ALK: variants seen among roughly 807,000 people sequenced by gnomAD.
ALK encodes ALK tyrosine kinase receptor.
In ALK, 74 loss-of-function variants were observed where a neutral mutation model predicts 163.1. The observed-to-expected ratio is 0.45, with a 90% CI of 0.38 to 0.55. ALK has a LOEUF of 0.55. Ranked by LOEUF, ALK falls within the 20% of genes least tolerant of loss-of-function variation. The pLI, the probability that ALK is intolerant of heterozygous loss-of-function variation, is 0.00. For missense variants in ALK, 2,063 were observed against 2,105.3 expected (o/e 0.98, Z 0.39); for synonymous variants, 960 against 843.2 (o/e 1.14, Z -2.40).
At chr2:29,424,081 A>G (rs1670080562) in intron 4 of ALK, among the ~76,000 whole-genome samples, 1 of 152,222 alleles carries the variant, frequency 6.6e-6, no homozygotes, top group Non-Finnish European at 1.5e-5. Flanking sequence ...TACATGGGTA[A>G]TGAAAAGGTA....
In ALK at chr2:29,321,454, C is replaced by T. The variant is rs78911101; in HGVS notation, c.1415-572G>A. On this transcript the variant is annotated intron_variant, in intron 6 of 28. Coordinates refer to ENST00000389048, the MANE Select transcript of ALK (RefSeq NM_004304.5). Reference sequence around the variant, plus strand: ...TTGCTCAAAACTTTCCATTTGCTTTCCTTTCTCTCCCAACCCGCTTGCAGT... The same window carrying T: ...TTGCTCAAAACTTTCCATTTGCTTTTCTTTCTCTCCCAACCCGCTTGCAGT... Among the ~76,000 whole-genome samples the T allele has an allele frequency of 1.2e-3, 184 of 152,320 alleles. 3 individuals are homozygous for T. In the East Asian group the frequency reaches 0.013, roughly 11 times the overall value.
At chr2:29,209,200 CAGAGCATGGCCAGATTACAGTT>C (rs1309633150) in intron 25 of ALK, among the ~76,000 whole-genome samples, 9 of 152,146 alleles carry the variant, frequency 5.9e-5, no homozygotes, top group African/African-American at 2.2e-4. Flanking sequence ...TCCCATGTCT[CAGAGCATGGCCAGATTACAGTT>C]GGAACCGATG....
chr2:29,349,402 T>C (rs1322709061), intron 5 of ALK, among the ~76,000 whole-genome samples: 1 of 152,190 alleles, frequency 6.6e-6, no homozygotes, highest in Non-Finnish European at 1.5e-5. Flanking sequence ...TGCTGCCTCA[T>C]AGGCTGAGAT....
At chr2:29,243,906 GT>G (rs1429022642) in intron 12 of ALK, among the ~76,000 whole-genome samples, 1 of 152,110 alleles carries the variant, frequency 6.6e-6, no homozygotes, top group Non-Finnish European at 1.5e-5. Flanking sequence ...GTAATTTTTT[GT>G]TTTTTCCTCA....
At position 29,307,289 on chromosome 2, in the gene ALK, G is replaced by A. The variant is rs972873835; in HGVS notation, c.1648-10232C>T. On this transcript the variant is annotated intron_variant, in intron 8 of 28. Transcript: ENST00000389048. ...CCCTAAATGTAGGAAATGTTCTGAC[G>A]GGGCAGGTGCTATCTTTCTTCAAAT... 4.6e-5 allele frequency among the ~76,000 whole-genome samples: 7 copies of A among 152,280 alleles called. No homozygotes were observed. In the East Asian group the frequency reaches 7.7e-4, roughly 17 times the overall value.
intron 3 of ALK, among the ~76,000 whole-genome samples, chr2:29,542,987 GT>G (rs1417198243): frequency 6.6e-6 from 1 of 151,502 alleles, no homozygotes; most frequent in Admixed American, 6.6e-5. Flanking sequence ...ATTTATCTTT[GT>G]TTTCTCTGGG....
Position 29,322,704 on chromosome 2 carries a change from G to A in ALK, c.1415-1822C>T, listed in dbSNP as rs180943383. Among the ~76,000 whole-genome samples the A allele has an allele frequency of 3.3e-5, 5 of 152,294 alleles. No individual in the cohort carries two copies. The East Asian group carries it at 9.6e-4, about 29-fold the overall frequency. The stretch of plus-strand genomic sequence containing the variant: ...CAGAAATTAGCCGGGTCTGGTGGTG[G>A]GTGCCTGTAATCTCAGCTACTCGGG... On this transcript the variant is annotated intron_variant, in intron 6 of 28. Transcript: ENST00000389048.
chr2:29,213,981 C>T lies in ALK; in HGVS notation c.3743+3G>A, dbSNP rs1669532102. On this transcript the variant is annotated splice_donor_region_variant and intron_variant, in intron 24 of 28. Transcript: ENST00000389048. The stretch of plus-strand genomic sequence containing the variant: ...CAGGAAGAGCACAGTCACTTTGACT[C>T]ACCGGTGGATGAAGTGGTTTTCCTC... 1.9e-6 allele frequency: 3 copies of T among 1,613,036 alleles called. No individual in the cohort carries two copies. Among genetic ancestry groups the T allele is most frequent in the Non-Finnish European group, 2.5e-6 (3 of 1,179,078 alleles).
At chr2:29,636,333 GAAAGAAAGAAAAGAAAAGAAAAGAAAAGA>G (rs1320052783) in intron 3 of ALK, among the ~76,000 whole-genome samples, 3 of 132,766 alleles carry the variant, frequency 2.3e-5, no homozygotes, top group African/African-American at 8.5e-5. Context: ...CAAAAATAAA[GAAAGAAAGAAAAGAAAAGAAAAGAAAAGA>G]AAAGAAAAGA....
chr2:29,670,920 G>A (rs1381700793), intron 3 of ALK, among the ~76,000 whole-genome samples: 1 of 151,826 alleles, frequency 6.6e-6, no homozygotes, highest in Non-Finnish European at 1.5e-5. Flanking sequence ...TGTTATCTTG[G>A]AGATCACTAA....
At chr2:29,269,575 G>T (rs1412910988) in intron 11 of ALK, among the ~76,000 whole-genome samples, 6 of 152,220 alleles carry the variant, frequency 3.9e-5, no homozygotes, top group African/African-American at 1.2e-4. Flanking sequence ...GTGCTGCGAT[G>T]ACTGGGGTCC....
chr2:29,569,412 G>T (rs558975146), intron 3 of ALK, among the ~76,000 whole-genome samples: 1 of 152,122 alleles, frequency 6.6e-6, no homozygotes, highest in Admixed American at 6.5e-5. Context: ...CATTACTTGG[G>T]TAAATCACTT....
intron 1 of ALK, among the ~76,000 whole-genome samples, chr2:29,820,595 A>G (rs1196398011): frequency 6.6e-6 from 1 of 152,256 alleles, no homozygotes; most frequent in Admixed American, 6.5e-5. Flanking sequence ...GAAAGAGGAT[A>G]GGGATCCAGC....
At chr2:29,453,424 C>A (rs542536223) in intron 4 of ALK, among the ~76,000 whole-genome samples, 1 of 151,836 alleles carries the variant, frequency 6.6e-6, no homozygotes, top group Admixed American at 6.6e-5. Flanking sequence ...TTGGTAGAGA[C>A]GAGTTCTCAC....
At chr2:29,408,081 C>CTTTTTTTTT (rs760683752) in intron 4 of ALK, among the ~76,000 whole-genome samples, 3 of 140,850 alleles carry the variant, frequency 2.1e-5, no homozygotes. Flanking sequence ...AGGGAAAGTT[C>CTTTTTTTTT]TTTTTCTTTT....
intron 3 of ALK, among the ~76,000 whole-genome samples, chr2:29,607,360 T>C (rs1356698970): frequency 6.6e-6 from 1 of 152,150 alleles, no homozygotes; most frequent in African/African-American, 2.4e-5. Flanking sequence ...AAATAGAGCA[T>C]CTTTTACTTT....
At chr2:29,480,671 C>A (rs74988024) in intron 4 of ALK, among the ~76,000 whole-genome samples, 1 of 151,530 alleles carries the variant, frequency 6.6e-6, no homozygotes, top group Non-Finnish European at 1.5e-5. Context: ...GCCAGTCAGA[C>A]GCAGGGAGGA....
chr2:29,272,518 G>A (rs1207880113), intron 11 of ALK, among the ~76,000 whole-genome samples: 2 of 152,154 alleles, frequency 1.3e-5, no homozygotes, highest in Non-Finnish European at 2.9e-5. Flanking sequence ...GGGCTGCTGT[G>A]GGGAGTGAGG....
chr2:29,695,008 T>C lies in ALK; in HGVS notation c.794A>G (p.Glu265Gly), dbSNP rs140497106. 1 of 1,613,998 alleles carries C rather than the reference T, an allele frequency of 6.2e-7. No individual in the cohort carries two copies. The highest frequency in any genetic ancestry group is 8.5e-7 in the Non-Finnish European group (1 of 1,179,970). ...FLSHRSRYGL[E>G]CSFDFPCELE... ...CTCACAGGGGAAGTCAAAGCTGCAC[T>C]CCAGACCTGCAATAATAGCCAAGGG... The change falls in exon 3 of 29, where the codon GAG becomes GGG. Residue 265 changes from glutamate to glycine, a missense_variant. Transcript: ENST00000389048.
Sources: gnomAD v4.1 joint callset for allele counts (sites outside exome capture counted in the v4.1 genomes callset) on GRCh38, gnomAD v4.1.1 for gene constraint, MANE v1.5 for transcripts, NCBI Gene and HGNC (gene_info 2026-07-23, HGNC 2026-07-21) for gene names.